The following PDE1A variants were observed in gnomAD, a reference collection of about 807,000 sequenced individuals.
The protein encoded by PDE1A is phosphodiesterase 1A.
A neutral mutation model predicts 61.7 loss-of-function variants in PDE1A; 35 were observed. That is an observed-to-expected ratio of 0.57 (90% confidence interval 0.43 to 0.75). PDE1A has a LOEUF of 0.75. Ranked by LOEUF, PDE1A falls within the 30% of genes least tolerant of loss-of-function variation. The pLI, the probability that PDE1A is intolerant of heterozygous loss-of-function variation, is 0.00. For missense variants in PDE1A, 597 were observed against 630.6 expected, an observed-to-expected ratio of 0.95 and a Z score of 0.57; for synonymous variants, 232 against 213.2, an observed-to-expected ratio of 1.09 and a Z score of -0.77.
At chr2:182,161,525 G>A (rs1307895051) in intron 13 of PDE1A, among the ~76,000 whole-genome samples, 1 of 151,954 alleles carries the variant, frequency 6.6e-6, no homozygotes, top group South Asian at 2.1e-4. Context: ...CCCCTCTCTG[G>A]GATTAACTGC....
At chr2:182,179,565 A>G (rs1684570083) in intron 13 of PDE1A, among the ~76,000 whole-genome samples, 2 of 152,300 alleles carry the variant, frequency 1.3e-5, no homozygotes, top group South Asian at 4.1e-4. Context: ...GAGAAGGCAT[A>G]GAGAGAATTC....
the PDE1A span, among the ~76,000 whole-genome samples, chr2:182,629,886 T>C: frequency 2.6e-5 from 4 of 152,212 alleles, no homozygotes; most frequent in Admixed American, 2.6e-4. Flanking sequence ...CCATTGCCTA[T>C]CCATTCTTTG....
the PDE1A span, among the ~76,000 whole-genome samples, chr2:182,530,350 G>A: frequency 0.019 from 1,970 of 104,060 alleles, 18 homozygotes; most frequent in Middle Eastern, 0.05. Flanking sequence ...GAAAAGCAGG[G>A]GGGTGGGAAA....
chr2:182,548,694 G>A, the PDE1A span, among the ~76,000 whole-genome samples: 1 of 151,996 alleles, frequency 6.6e-6, no homozygotes, highest in Non-Finnish European at 1.5e-5. Context: ...CCTTATCTGG[G>A]GTAGGTTAGG....
intron 1 of PDE1A, among the ~76,000 whole-genome samples, chr2:182,398,909 C>A (rs956818496): frequency 6.6e-6 from 1 of 151,982 alleles, no homozygotes; most frequent in African/African-American, 2.4e-5. Context: ...TGAATTTCAA[C>A]ATGAAGTTCT....
At chr2:182,579,391 T>C in the PDE1A span, among the ~76,000 whole-genome samples, 1 of 152,178 alleles carries the variant, frequency 6.6e-6, no homozygotes, top group Non-Finnish European at 1.5e-5. Flanking sequence ...AGGCATATAA[T>C]ACATGGACAA....
chr2:182,153,715 T>G (rs2125279436), intron 13 of PDE1A, among the ~76,000 whole-genome samples: 1 of 152,058 alleles, frequency 6.6e-6, no homozygotes, highest in East Asian at 1.9e-4. Flanking sequence ...TTGTAAAGAG[T>G]AGCAGGAATC....
At chr2:182,425,297 G>A (rs182409312) in intron 1 of PDE1A, among the ~76,000 whole-genome samples, 2 of 152,196 alleles carry the variant, frequency 1.3e-5, no homozygotes, top group East Asian at 1.9e-4. Context: ...TTTTGAAGTC[G>A]CACGTGCACT....
intron 2 of PDE1A, among the ~76,000 whole-genome samples, chr2:182,447,594 C>T (rs1338787298): frequency 6.6e-6 from 1 of 152,072 alleles, no homozygotes; most frequent in African/African-American, 2.4e-5. Flanking sequence ...ATAAGGCACA[C>T]ATGCCTACCC....
intron 13 of PDE1A, among the ~76,000 whole-genome samples, chr2:182,180,756 C>A (rs1052449428): frequency 2.6e-5 from 4 of 151,720 alleles, no homozygotes; most frequent in African/African-American, 9.7e-5. Context: ...TCACATAGTC[C>A]CACATTTCTC....
chr2:182,322,557 C>CA (rs1696763511), intron 1 of PDE1A, among the ~76,000 whole-genome samples: 2 of 152,172 alleles, frequency 1.3e-5, no homozygotes, highest in Non-Finnish European at 2.9e-5. Flanking sequence ...CATTAAACCT[C>CA]TTTTTCTTTA....
At chr2:182,160,493 T>C (rs1559123957) in intron 13 of PDE1A, among the ~76,000 whole-genome samples, 1 of 152,176 alleles carries the variant, frequency 6.6e-6, no homozygotes, top group East Asian at 1.9e-4. Flanking sequence ...TCTCTCTTCC[T>C]GAGTAGACAC....
intron 1 of PDE1A, among the ~76,000 whole-genome samples, chr2:182,323,647 G>A (rs889839591): frequency 1.3e-5 from 2 of 152,180 alleles, no homozygotes; most frequent in Admixed American, 1.3e-4. Context: ...TCCATCTTCA[G>A]CATTAGCACT....
intron 13 of PDE1A, 199 bp downstream of exon 13, chr2:182,185,693 G>T: frequency 2.1e-6 from 2 of 937,856 alleles, no homozygotes; most frequent in Non-Finnish European, 3.1e-6. Flanking sequence ...AGCCCATGTG[G>T]CACAAACAAA....
chr2:182,255,010 A>G (rs1168673669), intron 2 of PDE1A, among the ~76,000 whole-genome samples: 1 of 152,208 alleles, frequency 6.6e-6, no homozygotes, highest in Non-Finnish European at 1.5e-5. Flanking sequence ...GGATATGCTT[A>G]TCGGATCCTA....
upstream of PDE1A, among the ~76,000 whole-genome samples, chr2:182,429,302 A>G (rs1223258258): frequency 6.6e-6 from 1 of 152,136 alleles, no homozygotes; most frequent in African/African-American, 2.4e-5. Flanking sequence ...TTAATGTAGT[A>G]TTCAATAAGA....
chr2:182,714,114 C>A, the PDE1A span, among the ~76,000 whole-genome samples: 1 of 152,188 alleles, frequency 6.6e-6, no homozygotes, highest in Admixed American at 6.5e-5. Flanking sequence ...CAGCCTATTT[C>A]TCAAATTAAT....
chr2:182,585,832 T>C, the PDE1A span, among the ~76,000 whole-genome samples: 2 of 152,192 alleles, frequency 1.3e-5, no homozygotes, highest in African/African-American at 4.8e-5. Context: ...CATCTGTCCT[T>C]ATGTAATATT....
At chr2:182,503,508 T>C (rs1321255741) in intron 2 of PDE1A, among the ~76,000 whole-genome samples, 1 of 152,166 alleles carries the variant, frequency 6.6e-6, no homozygotes, top group Non-Finnish European at 1.5e-5. Flanking sequence ...CTCTTTCTCC[T>C]ACCTGTACTA....
Sources: allele counts gnomAD v4.1 joint callset (sites outside exome capture counted in the v4.1 genomes callset), GRCh38; gene constraint gnomAD v4.1.1; transcripts MANE v1.5; gene names NCBI Gene and HGNC (gene_info 2026-07-23, HGNC 2026-07-21).